CCDC18: variants seen among roughly 807,000 people sequenced by gnomAD.
The protein encoded by CCDC18 is coiled-coil domain-containing protein 18.
Under a neutral mutation model 196.0 loss-of-function variants are expected in CCDC18, and 157 were observed. The observed-to-expected ratio is 0.80, with a 90% confidence interval of 0.70 to 0.91. The LOEUF (loss-of-function observed/expected upper bound fraction) is 0.91, where lower values mean the gene tolerates loss of function less well. Among genes scored for constraint, CCDC18 ranks in the 40% least tolerant of loss-of-function variants. The pLI, the probability that CCDC18 is intolerant of heterozygous loss-of-function variation, is 0.00. For synonymous variants in CCDC18, 482 were observed against 529.2 expected, an observed-to-expected ratio of 0.91 and a Z score of 1.22; for missense variants, 1,465 against 1,611.6, an observed-to-expected ratio of 0.91 and a Z score of 1.56.
chr1:93,276,303 A>G (rs1043304227), intron 28 of CCDC18, among the ~76,000 whole-genome samples: 1 of 152,234 alleles, frequency 6.6e-6, no homozygotes, highest in African/African-American at 2.4e-5. Context: ...TTCTGCTTTC[A>G]GACTAACAAA....
upstream of CCDC18, chr1:93,180,714 C>G: frequency 7.4e-7 from 1 of 1,360,294 alleles, no homozygotes; most frequent in Non-Finnish European, 9.8e-7. Flanking sequence ...GTCCCAACGG[C>G]TCCCGCGGCG....
At position 93,207,385 on chromosome 1, in the gene CCDC18, T is replaced by C; in HGVS notation, c.1196T>C (p.Ile399Thr). ...GAACTAAGAAGTTTGGAAAAGATTA[T>C]ATCCCAGTTGCCAGTAAGTATGTGT... ...RVELRSLEKI[I>T]SQLPLKRELF... The change falls in exon 9 of 29, where the codon ATA (isoleucine) becomes ACA (threonine). Residue 399 changes from isoleucine (I) to threonine (T), a missense_variant. Physicochemically the swap from Ile to Thr is moderately conservative, Grantham distance 89. Coordinates refer to ENST00000690025, the MANE Select transcript of CCDC18 (RefSeq NM_001378204.1). The C allele has an allele frequency of 1.3e-6, 2 of 1,593,528 alleles. No individual in the cohort carries two copies. The highest frequency in any genetic ancestry group is 1.7e-6 in the Non-Finnish European group (2 of 1,169,170).
At chr1:93,227,957 C>CAAAA (rs71586784) in intron 17 of CCDC18, among the ~76,000 whole-genome samples, 99 of 105,170 alleles carry the variant, frequency 9.4e-4, no homozygotes, top group Middle Eastern at 5.9e-3. Context: ...GACCCTATCT[C>CAAAA]AAAAAAAAAA....
intron 23 of CCDC18, among the ~76,000 whole-genome samples, chr1:93,251,289 A>G (rs1449349819): frequency 6.6e-6 from 1 of 152,176 alleles, no homozygotes; most frequent in Non-Finnish European, 1.5e-5. Context: ...TTAAATTGTT[A>G]TATTGCCTAT....
upstream of CCDC18, chr1:93,180,634 G>C (rs767295462): frequency 2.2e-6 from 3 of 1,335,694 alleles, no homozygotes; most frequent in South Asian, 3.6e-5. Context: ...CACGATCCCC[G>C]GCAAGCCCCG....
At chr1:93,201,557 C>A (rs559836719) in intron 6 of CCDC18, among the ~76,000 whole-genome samples, 437 of 152,068 alleles carry the variant, frequency 2.9e-3, no homozygotes, top group Non-Finnish European at 5.5e-3. Context: ...AATACCTAAC[C>A]TTTGAAAATG....
chr1:93,241,295 T>C (rs1660743423), intron 21 of CCDC18, among the ~76,000 whole-genome samples: 1 of 152,058 alleles, frequency 6.6e-6, no homozygotes, highest in Non-Finnish European at 1.5e-5. Flanking sequence ...GTGGCCTCTT[T>C]TCTGTTATCC....
intron 9 of CCDC18, among the ~76,000 whole-genome samples, chr1:93,208,814 C>T (rs1464332158): frequency 1.3e-5 from 2 of 152,074 alleles, no homozygotes; most frequent in Non-Finnish European, 2.9e-5. Flanking sequence ...CTATAGCACG[C>T]ACCACCATGC....
At chr1:93,183,237 C>G (rs564338525) in intron 1 of CCDC18, 123 bp from the exon 2 acceptor site, 1 of 654,010 alleles carries the variant, frequency 1.5e-6, no homozygotes, top group African/African-American at 1.9e-5. Flanking sequence ...TTTAAACCAC[C>G]ATGAAAGATT....
Position 93,210,905 on chromosome 1 carries a change from A to G in CCDC18, c.1313A>G (p.Lys438Arg). The G allele has an allele frequency of 6.2e-7, 1 of 1,613,900 alleles. No homozygotes were observed. The highest frequency in any genetic ancestry group is 8.5e-7 in the Non-Finnish European group (1 of 1,179,872). The change falls in exon 10 of 29, where the codon AAA (lysine) becomes AGA (arginine). Residue 438 changes from lysine to arginine, a missense_variant. By Grantham distance (26) the Lys-to-Arg change is conservative. Coordinates refer to ENST00000690025, the MANE Select transcript of CCDC18 (RefSeq NM_001378204.1). ...DRCIGCCEANKLVISELRIKL... is the reference protein window; with the variant it reads ...DRCIGCCEANRLVISELRIKL... ...TGCATTGGCTGCTGTGAGGCAAATAAATTGGTGATTTCGGAATTGAGGTAC... is the reference window on the plus strand; with the variant it reads ...TGCATTGGCTGCTGTGAGGCAAATAGATTGGTGATTTCGGAATTGAGGTAC...
chr1:93,219,180 C>T (rs1007941277), intron 14 of CCDC18, among the ~76,000 whole-genome samples: 1 of 152,140 alleles, frequency 6.6e-6, no homozygotes, highest in Non-Finnish European at 1.5e-5. Context: ...AATGCCTTTT[C>T]TATTTTAACT....
Position 93,239,868 on chromosome 1 carries a change from A to G in CCDC18, c.2953A>G (p.Thr985Ala). 1.9e-6 allele frequency: 3 copies of G among 1,609,026 alleles called. No homozygotes were observed. The highest frequency in any genetic ancestry group is 2.6e-6 in the Non-Finnish European group (3 of 1,176,360). ...AQLSLEEKYT[T>A]IKDLTAELRE... ...ATTATCATTAGAGGAAAAATACACT[A>G]CTATAAAGGATCTCACAGCTGAACT... The change falls in exon 21 of 29, where the codon ACT becomes GCT. Residue 985 changes from threonine to alanine, a missense_variant. Thr to Ala is a moderately conservative substitution (Grantham distance 58). Coordinates refer to ENST00000690025, the MANE Select transcript of CCDC18 (RefSeq NM_001378204.1).
rs112022673 is a variant in CCDC18 at position 93,252,533 on chromosome 1, C to T, written c.3199-1938C>T. On this transcript the variant is annotated intron_variant, in intron 23 of 28. Coordinates refer to ENST00000690025, the MANE Select transcript of CCDC18 (RefSeq NM_001378204.1). ...AAATTTCTCAATTGATTCCCTGCGT[C>T]GTCTTAGAGTTTGTTGAACTTCCTT... 1.6e-3 allele frequency among the ~76,000 whole-genome samples: 239 copies of T among 151,288 alleles called. 1 individual carries two copies. Among genetic ancestry groups the T allele is most frequent in the African/African-American group, 5.4e-3 (224 of 41,224 alleles).
intron 16 of CCDC18, among the ~76,000 whole-genome samples, chr1:93,222,885 T>G (rs1657674846): frequency 6.6e-6 from 1 of 152,230 alleles, no homozygotes; most frequent in Non-Finnish European, 1.5e-5. Context: ...GTAGCTTGAA[T>G]ATAAAAGATT....
intron 17 of CCDC18, 124 bp from the exon 18 acceptor site, chr1:93,232,302 A>T: frequency 1.7e-6 from 1 of 602,920 alleles, no homozygotes; most frequent in Non-Finnish European, 2.9e-6. Flanking sequence ...AACTATAGAC[A>T]TGAATGCAAT....
At chr1:93,240,070 G>A (rs760614523) in intron 21 of CCDC18, among the ~76,000 whole-genome samples, 174 bp downstream of exon 21, 37 of 152,136 alleles carry the variant, frequency 2.4e-4, no homozygotes, top group African/African-American at 3.1e-4. Flanking sequence ...TTTGTTGGCC[G>A]CCAAAACTTT....
intron 16 of CCDC18, 43 bp from the exon 17 acceptor site, chr1:93,226,290 C>T (rs763603053): frequency 2.2e-5 from 18 of 814,574 alleles, no homozygotes; most frequent in Non-Finnish European, 3.0e-5. Flanking sequence ...TTGAGTATAT[C>T]GTTTTGTGTT....
rs759065488 is a variant in CCDC18, at chr1:93,264,692, G to A, written c.3685-9G>A. 10 of 1,557,944 alleles carry A rather than the reference G, an allele frequency of 6.4e-6. No homozygotes were observed. The highest frequency in any genetic ancestry group is 1.7e-5 in the Admixed American group (1 of 57,760). ...ATTTTTTTTCTTTTCCAATTCTGGGGCTATATAGATGATTTCACATCAAGA... is the reference window on the plus strand; with the variant it reads ...ATTTTTTTTCTTTTCCAATTCTGGGACTATATAGATGATTTCACATCAAGA... On this transcript the variant is annotated splice_polypyrimidine_tract_variant and intron_variant, in intron 26 of 28. Coordinates refer to ENST00000690025, the MANE Select transcript of CCDC18 (RefSeq NM_001378204.1).
intron 27 of CCDC18, among the ~76,000 whole-genome samples, chr1:93,268,019 G>A (rs527926134): frequency 2.6e-5 from 4 of 151,038 alleles, no homozygotes; most frequent in South Asian, 2.1e-4. Context: ...GAGGCATCAC[G>A]CTTCCTGACT....
Sources: gnomAD v4.1 joint callset for allele counts (sites outside exome capture counted in the v4.1 genomes callset) on GRCh38, gnomAD v4.1.1 for gene constraint, MANE v1.5 for transcripts, NCBI Gene and HGNC (gene_info 2026-07-23, HGNC 2026-07-21) for gene names.